Variants in YAP1 observed in about 807,000 individuals in gnomAD.
The protein encoded by YAP1 is transcriptional coactivator YAP1.
In YAP1, 5 loss-of-function variants were observed where a neutral mutation model predicts 56.9. The observed-to-expected ratio is 0.09, with a 90% CI of 0.05 to 0.18. The LOEUF is 0.18. YAP1 is among the 10% of genes least tolerant of loss of function. The pLI is 1.00. For synonymous variants in YAP1, 265 were observed against 248.1 expected (o/e 1.07, Z -0.64); for missense variants, 539 against 651.8 (o/e 0.83, Z 1.88).
chr11:102,112,101 G>A (rs111446925), intron 1 of YAP1, among the ~76,000 whole-genome samples: 3,781 of 152,266 alleles, frequency 0.025, 151 homozygotes, highest in African/African-American at 0.087. Context: ...GAACTGAGTT[G>A]CGCTTTACAG....
intron 2 of YAP1, among the ~76,000 whole-genome samples, chr11:102,161,740 G>A (rs1274523212): frequency 6.6e-6 from 1 of 152,132 alleles, no homozygotes; most frequent in Non-Finnish European, 1.5e-5. Flanking sequence ...TTGCAAGTTT[G>A]TATGTCAGAT....
intron 2 of YAP1, among the ~76,000 whole-genome samples, chr11:102,148,791 T>C (rs1461571533): frequency 1.3e-5 from 2 of 152,120 alleles, no homozygotes; most frequent in African/African-American, 4.8e-5. Context: ...CATGTAGAGA[T>C]TTAATATAGG....
chr11:102,140,396 T>C (rs1944947153), intron 2 of YAP1, among the ~76,000 whole-genome samples: 1 of 152,192 alleles, frequency 6.6e-6, no homozygotes, highest in Non-Finnish European at 1.5e-5. Context: ...CTAGGATATT[T>C]AAAAGTCATA....
At chr11:102,139,908 CTAAT>C (rs1329955681) in intron 2 of YAP1, among the ~76,000 whole-genome samples, 2 of 152,018 alleles carry the variant, frequency 1.3e-5, no homozygotes, top group African/African-American at 4.8e-5. Context: ...TGAAAATAGC[CTAAT>C]TGTGTTTTTT....
intron 6 of YAP1, among the ~76,000 whole-genome samples, chr11:102,219,114 G>C (rs931498007): frequency 6.6e-6 from 1 of 152,132 alleles, no homozygotes; most frequent in East Asian, 1.9e-4. Context: ...TTGATAAAAA[G>C]CAAATGAGAG....
chr11:102,110,966 GCGACCCAGGCGGCGCCGCAGGCAC>G lies in YAP1; in HGVS notation c.120_143del (p.Thr41_Pro48del), dbSNP rs1942859160. 6.6e-7 allele frequency: 1 copy of G among 1,516,282 alleles called. No individual in the cohort carries two copies. The allele number at this position is 1,516,282 out of a possible 1,614,324, so 93.9% of individuals were successfully genotyped here. On this transcript the variant is annotated inframe_deletion, in exon 1 of 9. Transcript: ENST00000282441. ...CGGACCCGGGCAACCGGCACCCGCG[GCGACCCAGGCGGCGCCGCAGGCAC>G]CCCCCGCCGGGCATCAGATCGTGCA...
chr11:102,123,598 G>A (rs1018496093), intron 2 of YAP1, among the ~76,000 whole-genome samples: 18 of 148,744 alleles, frequency 1.2e-4, no homozygotes, highest in East Asian at 7.8e-4. Context: ...TTATTTTCTC[G>A]TGAAATTTTG....
intron 2 of YAP1, among the ~76,000 whole-genome samples, chr11:102,134,715 T>A (rs1018969156): frequency 6.6e-6 from 1 of 152,072 alleles, no homozygotes; most frequent in Non-Finnish European, 1.5e-5. Flanking sequence ...TTTTACCTTT[T>A]TTTAAATTTG....
In YAP1 at chr11:102,230,973, A is replaced by G. The variant is rs943517124; in HGVS notation, c.*1033A>G. 1 of 152,138 alleles carries G rather than the reference A, an allele frequency of 6.6e-6. No individual in the cohort carries two copies. The highest frequency in any genetic ancestry group is 2.4e-5 in the African/African-American group (1 of 41,424). 9.4% of individuals were successfully genotyped at this position (152,138 alleles called of 1,614,324 possible). A position where few individuals can be genotyped will look rare whatever the true frequency, so the allele number is the denominator to read the frequency against. ...AATTTTTAAAATGGTAGCGCTTTGT[A>G]TGCATTTAGAATACATGACTAGTAG... On this transcript the variant is annotated 3_prime_UTR_variant, in exon 9 of 9. Transcript: ENST00000282441.
chr11:102,183,917 A>G (rs1293631888), intron 3 of YAP1, among the ~76,000 whole-genome samples: 1 of 151,788 alleles, frequency 6.6e-6, no homozygotes, highest in Non-Finnish European at 1.5e-5. Flanking sequence ...TCTACTAAAA[A>G]TACAAAAAAA....
At chr11:102,176,604 G>T (rs893835081) in intron 3 of YAP1, among the ~76,000 whole-genome samples, 1 of 151,662 alleles carries the variant, frequency 6.6e-6, no homozygotes, top group African/African-American at 2.4e-5. Flanking sequence ...AAGTTAGCCG[G>T]GTGTGGTGGT....
intron 4 of YAP1, chr11:102,186,701 A>T (rs1947969508): frequency 6.5e-6 from 1 of 153,804 alleles, no homozygotes; most frequent in African/African-American, 2.4e-5. Flanking sequence ...AAAGAAAGCC[A>T]TATTCCCCTC....
chr11:102,141,421 C>G (rs1945017018), intron 2 of YAP1, among the ~76,000 whole-genome samples: 1 of 152,206 alleles, frequency 6.6e-6, no homozygotes, highest in Non-Finnish European at 1.5e-5. Flanking sequence ...AATGCAGTCC[C>G]TGTCCTCGGT....
At chr11:102,138,365 G>T (rs973681107) in intron 2 of YAP1, among the ~76,000 whole-genome samples, 8 of 152,216 alleles carry the variant, frequency 5.3e-5, no homozygotes, top group African/African-American at 1.9e-4. Context: ...ACTGGGGCTG[G>T]AGGGTCTAGG....
At chr11:102,213,875 C>T (rs574733366) in intron 6 of YAP1, among the ~76,000 whole-genome samples, 5 of 152,262 alleles carry the variant, frequency 3.3e-5, no homozygotes, top group East Asian at 3.9e-4. Context: ...GTCAGAAGTC[C>T]GAGACCTGCC....
intron 2 of YAP1, among the ~76,000 whole-genome samples, chr11:102,130,188 T>C (rs1046063505): frequency 1.3e-5 from 2 of 152,034 alleles, no homozygotes; most frequent in African/African-American, 4.8e-5. Flanking sequence ...AATTCAATAT[T>C]TTTCTGAGTC....
intron 1 of YAP1, chr11:102,112,344 T>C: frequency 1.1e-6 from 1 of 927,222 alleles, no homozygotes; most frequent in African/African-American, 1.8e-5. Context: ...CTGTTTATAA[T>C]GAGTGTTAAC....
At chr11:102,162,363 C>G in intron 2 of YAP1, 93 bp from the exon 3 acceptor site, 4 of 1,045,276 alleles carry the variant, frequency 3.8e-6, no homozygotes, top group South Asian at 1.3e-5. Flanking sequence ...TTACAGAGCT[C>G]GCTTGGCACC....
intron 2 of YAP1, among the ~76,000 whole-genome samples, chr11:102,151,062 C>T (rs1188369944): frequency 1.3e-5 from 2 of 151,858 alleles, no homozygotes; most frequent in African/African-American, 4.8e-5. Context: ...ATGCCTGACC[C>T]CGTGATTTGC....
Sources: gnomAD v4.1 joint callset for allele counts (sites outside exome capture counted in the v4.1 genomes callset) on GRCh38, gnomAD v4.1.1 for gene constraint, MANE v1.5 for transcripts, NCBI Gene and HGNC (gene_info 2026-07-23, HGNC 2026-07-21) for gene names.